Variants in KIF3B observed in about 807,000 individuals in gnomAD.
KIF3B encodes kinesin-like protein KIF3B.
Under a neutral mutation model 74.3 loss-of-function variants are expected in KIF3B, and 38 were observed. That is an observed-to-expected ratio of 0.51 (90% CI 0.39 to 0.67). KIF3B has a LOEUF of 0.67. Among genes scored for constraint, KIF3B ranks in the 30% least tolerant of loss-of-function variants. The pLI is 0.00. For missense variants in KIF3B, 649 were observed against 932.0 expected, an observed-to-expected ratio of 0.70 and a Z score of 3.95; for synonymous variants, 326 against 342.5, an observed-to-expected ratio of 0.95 and a Z score of 0.53.
Position 32,333,690 on chromosome 20 carries a change from C to A in KIF3B, c.*2371C>A, listed in dbSNP as rs1335336345. On this transcript the variant is annotated 3_prime_UTR_variant, in exon 9 of 9. Transcript: ENST00000375712. ...GAAAGAAAAAGAAAACTGCAGATAA[C>A]CCTATACATTAATACTGGTATCTCG... is the stretch of plus-strand genomic sequence containing the variant. 6.9e-6 allele frequency: 1 copy of A among 145,418 alleles called. No individual in the cohort carries two copies. Among genetic ancestry groups the A allele is most frequent in the Non-Finnish European group, 1.5e-5 (1 of 66,754 alleles). 9.0% of individuals were successfully genotyped at this position (145,418 alleles called of 1,614,324 possible).
At chr20:32,318,460 C>T (rs1285378587) in intron 5 of KIF3B, among the ~76,000 whole-genome samples, 1 of 152,174 alleles carries the variant, frequency 6.6e-6, no homozygotes, top group African/African-American at 2.4e-5. Context: ...AGTCACTCCT[C>T]ATTACCCCCT....
At position 32,307,283 on chromosome 20, in the gene KIF3B, C is replaced by T. The variant is rs189458956; in HGVS notation, c.-65-2430C>T. On this transcript the variant is annotated intron_variant, in intron 1 of 8. Transcript: ENST00000375712. The stretch of plus-strand genomic sequence containing the variant: ...TCTTGGTGTTATAGCTTCCATTTTT[C>T]ACACTATGTAAACTATACTGTACAC... 8.2e-4 allele frequency among the ~76,000 whole-genome samples: 125 copies of T among 152,276 alleles called. 1 individual carries two copies. Among genetic ancestry groups the T allele is most frequent in the Non-Finnish European group, 5.1e-4 (35 of 68,018 alleles).
At position 32,313,624 on chromosome 20, in the gene KIF3B, G is replaced by T. The variant is rs576474680; in HGVS notation, c.1404+2443G>T. ...AGGAGGTAACTTTGTTCCAGGGAGG[G>T]GTTCTGAGATGCCATTATGTCAAAG... On this transcript the variant is annotated intron_variant, in intron 2 of 8. Transcript: ENST00000375712. 7.9e-5 allele frequency among the ~76,000 whole-genome samples: 12 copies of T among 152,210 alleles called. No homozygotes were observed. The East Asian group carries it at 2.1e-3, about 27-fold the overall frequency.
At chr20:32,323,532 T>TG (rs1375688737) in intron 5 of KIF3B, among the ~76,000 whole-genome samples, 1 of 151,932 alleles carries the variant, frequency 6.6e-6, no homozygotes, top group Non-Finnish European at 1.5e-5. Context: ...CCCAGGTAGC[T>TG]GGGACTACTC....
chr20:32,327,423 C>T, intron 6 of KIF3B, 133 bp from the exon 7 acceptor site: 1 of 643,850 alleles, frequency 1.6e-6, no homozygotes, highest in Non-Finnish European at 2.7e-6. Flanking sequence ...AAGCAGAAAA[C>T]AGAAGCATTT....
At chr20:32,330,455 T>C in intron 8 of KIF3B, 136 bp downstream of exon 8, 1 of 737,506 alleles carries the variant, frequency 1.4e-6, no homozygotes, top group Non-Finnish European at 2.2e-6. Context: ...TATGTTTACT[T>C]ATTTATTCTA....
At chr20:32,294,996 T>G (rs756168273) in intron 1 of KIF3B, among the ~76,000 whole-genome samples, 11 of 152,228 alleles carry the variant, frequency 7.2e-5, no homozygotes, top group Non-Finnish European at 1.3e-4. Context: ...CCCTTATTGA[T>G]GAGCATTTAA....
At chr20:32,318,157 C>T (rs2047837685) in intron 5 of KIF3B, among the ~76,000 whole-genome samples, 1 of 151,986 alleles carries the variant, frequency 6.6e-6, no homozygotes, top group Non-Finnish European at 1.5e-5. Context: ...CAAAAATTAG[C>T]TGGGTGTGAT....
chr20:32,288,125 C>T (rs1160276374), intron 1 of KIF3B, among the ~76,000 whole-genome samples: 1 of 151,920 alleles, frequency 6.6e-6, no homozygotes, highest in Non-Finnish European at 1.5e-5. Flanking sequence ...TTGAGATCTG[C>T]CCATCTCGGC....
At chr20:32,330,346 A>C (rs1031107433) in intron 8 of KIF3B, 27 bp downstream of exon 8, 1 of 1,604,404 alleles carries the variant, frequency 6.2e-7, no homozygotes, top group Admixed American at 1.7e-5. Flanking sequence ...ACGTGTGTTT[A>C]AACAGAACAT....
chr20:32,299,403 A>ATATATATATATATATTTTTTTTT (rs1555895046), intron 1 of KIF3B, among the ~76,000 whole-genome samples: 1 of 9,022 alleles, frequency 1.1e-4, no homozygotes, highest in South Asian at 5.2e-3. Flanking sequence ...ATATATATAT[A>ATATATATATATATATTTTTTTTT]TTTTTTTTTT....
intron 5 of KIF3B, among the ~76,000 whole-genome samples, chr20:32,322,765 TA>T (rs1307148648): frequency 2.5e-4 from 12 of 47,836 alleles, no homozygotes; most frequent in African/African-American, 1.6e-3. Context: ...TATTTATATA[TA>T]TTTATATATA....
Position 32,334,479 on chromosome 20 carries a change from T to G in KIF3B, c.*3160T>G, listed in dbSNP as rs2047946042. 6.6e-6 allele frequency: 1 copy of G among 152,610 alleles called. No homozygotes were observed. The highest frequency in any genetic ancestry group is 1.5e-5 in the Non-Finnish European group (1 of 68,040). 9.5% of individuals were successfully genotyped at this position (152,610 alleles called of 1,614,324 possible). ...ACTGAATGTAGAATCGTTGCCAAGT[T>G]TCTGAGAAGTGTCGATTCCCTGTTA... On this transcript the variant is annotated 3_prime_UTR_variant, in exon 9 of 9. Coordinates refer to ENST00000375712, the MANE Select transcript of KIF3B (RefSeq NM_004798.4).
intron 1 of KIF3B, among the ~76,000 whole-genome samples, chr20:32,301,076 C>G (rs968926916): frequency 1.4e-5 from 2 of 140,514 alleles, no homozygotes; most frequent in Admixed American, 1.5e-4. Flanking sequence ...GTTGCCCACG[C>G]TTCATGGTCT....
chr20:32,321,936 C>T (rs1391168220), intron 5 of KIF3B, among the ~76,000 whole-genome samples: 1 of 152,112 alleles, frequency 6.6e-6, no homozygotes, highest in Non-Finnish European at 1.5e-5. Context: ...AATTGTGTTA[C>T]TTGCTTTATT....
At chr20:32,328,612 C>CAAAAAAAAAAAA (rs142664447) in intron 7 of KIF3B, among the ~76,000 whole-genome samples, 1 of 131,134 alleles carries the variant, frequency 7.6e-6, no homozygotes. Context: ...CACTCTGTCT[C>CAAAAAAAAAAAA]AAAAAAAAAA....
Position 32,309,718 on chromosome 20 carries a change from T to TA in KIF3B, c.-59dup, listed in dbSNP as rs2047789999. On this transcript the variant is annotated 5_prime_UTR_variant, in exon 2 of 9. An upstream open reading frame in the 5' UTR loses its in-frame stop. Coordinates refer to ENST00000375712, the MANE Select transcript of KIF3B (RefSeq NM_004798.4). ...TACTTTTGCTTTTTCTCTAGGACCG[T>TA]AGCATCCTGAGACATTTTGAATTGA... The TA allele has an allele frequency of 1.9e-6, 3 of 1,559,676 alleles. No homozygotes were observed. The highest frequency in any genetic ancestry group is 2.6e-6 in the Non-Finnish European group (3 of 1,152,674).
In KIF3B at chr20:32,302,033, T is replaced by C. The variant is rs750699610; in HGVS notation, c.-65-7680T>C. 2.0e-5 allele frequency among the ~76,000 whole-genome samples: 3 copies of C among 152,206 alleles called. No homozygotes were observed. The East Asian group carries it at 5.8e-4, about 29-fold the overall frequency. On this transcript the variant is annotated intron_variant, in intron 1 of 8. Transcript: ENST00000375712. Reference sequence around the variant, plus strand: ...GAATGACAAGTTCTAGCAGAAAAGGTCTTCAGGATGAAGGCGATGAGCTGC... The same window carrying C: ...GAATGACAAGTTCTAGCAGAAAAGGCCTTCAGGATGAAGGCGATGAGCTGC...
intron 5 of KIF3B, among the ~76,000 whole-genome samples, chr20:32,320,778 C>T (rs1475975505): frequency 6.6e-6 from 1 of 152,040 alleles, no homozygotes; most frequent in Non-Finnish European, 1.5e-5. Context: ...TGTATCAATA[C>T]TTTATTCATT....
Sources: gnomAD v4.1 joint callset for allele counts (sites outside exome capture counted in the v4.1 genomes callset) on GRCh38, gnomAD v4.1.1 for gene constraint, MANE v1.5 for transcripts, NCBI Gene and HGNC (gene_info 2026-07-23, HGNC 2026-07-21) for gene names.